IFNG: variants seen among roughly 807,000 people sequenced by gnomAD.
IFNG encodes the protein interferon gamma, also known as IFN-gamma.
A neutral mutation model predicts 14.4 loss-of-function variants in IFNG; 8 were observed. That is an observed-to-expected ratio of 0.56 (90% CI 0.33 to 1.00). IFNG has a LOEUF of 1.00. IFNG is among the 50% of genes least tolerant of loss of function. The pLI, the probability that IFNG is intolerant of heterozygous loss-of-function variation, is 0.03. For synonymous variants in IFNG, 73 were observed against 65.4 expected (o/e 1.12, Z -0.56); for missense variants, 132 against 194.9 (o/e 0.68, Z 1.92).
Position 68,157,940 on chromosome 12 carries a change from A to G in IFNG, c.339T>C (p.Asp113=), listed in dbSNP as rs758972191. 5.0e-5 allele frequency: 80 copies of G among 1,603,454 alleles called. No homozygotes were observed. The highest frequency in any genetic ancestry group is 6.4e-5 in the Non-Finnish European group (75 of 1,174,560). ...AATAATTAGTCAGCTTTTCGAAGTC[A>G]TCTCGTTTCTTTTTGTTGCTATTGA... ...KFFNSNKKKR[D]DFEKLTNYSV... Residue 113 remains aspartate, a synonymous_variant, in exon 3 of 4, where the codon GAT becomes GAC. Coordinates refer to ENST00000229135, the MANE Select transcript of IFNG (RefSeq NM_000619.3).
intron 3 of IFNG, among the ~76,000 whole-genome samples, chr12:68,156,121 G>T (rs963104345): frequency 1.3e-5 from 2 of 152,070 alleles, no homozygotes; most frequent in Non-Finnish European, 2.9e-5. Flanking sequence ...ATCTAGGTTA[G>T]GTACCCTAGA....
chr12:68,159,674 T>C lies in IFNG; in HGVS notation c.-59A>G. 1.2e-6 allele frequency: 1 copy of C among 866,666 alleles called. No homozygotes were observed. Among genetic ancestry groups the C allele is most frequent in the Non-Finnish European group, 1.9e-6 (1 of 522,628 alleles). 53.7% of individuals were successfully genotyped at this position (866,666 alleles called of 1,614,324 possible). ...ATCAGTAGTTCTTGTATCAAGCTGA[T>C]CAGGTCCAAAGGACTTAACTGATCT... On this transcript the variant is annotated 5_prime_UTR_variant, in exon 1 of 4. Transcript: ENST00000229135.
intron 1 of IFNG, 39 bp from the exon 2 acceptor site, chr12:68,158,298 C>T (rs1169348041): frequency 7.4e-7 from 1 of 1,353,864 alleles, no homozygotes; most frequent in Admixed American, 2.1e-5. Flanking sequence ...TACAATTAGC[C>T]CATAAATTGC....
chr12:68,157,873 C>A, intron 3 of IFNG, 40 bp downstream of exon 3: 1 of 1,444,574 alleles, frequency 6.9e-7, no homozygotes, highest in Non-Finnish European at 9.5e-7. Flanking sequence ...TTGCAAGACC[C>A]TCGGCAATGA....
In IFNG at chr12:68,155,461, T is replaced by C. The variant is rs747576618; in HGVS notation, c.393A>G (p.Lys131=). The C allele has an allele frequency of 1.2e-6, 2 of 1,608,198 alleles. No homozygotes were observed. The highest frequency in any genetic ancestry group is 2.2e-5 in the East Asian group (1 of 44,470). ...YSVTDLNVQR[K]AIHELIQVMA... ...TCACTTGGATGAGTTCATGTATTGCTTTGCGTTGGACATTCAAGTCAGTTA... is the reference window on the plus strand; with the variant it reads ...TCACTTGGATGAGTTCATGTATTGCCTTGCGTTGGACATTCAAGTCAGTTA... Residue 131 remains lysine, a synonymous_variant, in exon 4 of 4, where the codon AAA becomes AAG. Coordinates refer to ENST00000229135, the MANE Select transcript of IFNG (RefSeq NM_000619.3).
In IFNG at chr12:68,159,606, T is replaced by C; in HGVS notation, c.10A>G (p.Thr4Ala). 2 of 1,580,494 alleles carry C rather than the reference T, an allele frequency of 1.3e-6. 1 individual carries two copies. Among genetic ancestry groups the C allele is most frequent in the South Asian group, 2.2e-5 (2 of 89,236 alleles). MKY[T>A]SYILAFQLCI... ...AGCTGAAAAGCCAAGATATAACTTG[T>C]ATATTTCATCGTTTCCGAGAGAATT... is the stretch of plus-strand genomic sequence containing the variant. Residue 4 changes from threonine to alanine, a missense_variant, in exon 1 of 4, where the codon ACA (threonine) becomes GCA (alanine). Transcript: ENST00000229135.
rs748083318 is a variant in IFNG, at chr12:68,158,189, A to G, written c.183+2T>C. On this transcript the variant is annotated splice_donor_variant, in intron 2 of 3. Coordinates refer to ENST00000229135, the MANE Select transcript of IFNG (RefSeq NM_000619.3). LOFTEE classifies it high-confidence loss of function. ...TTAGCCAAATGGGAATATTCAGCTT[A>G]CCTCTTTCCAATTCTTCAAAATGCC... 1.1e-5 allele frequency: 17 copies of G among 1,609,020 alleles called. No individual in the cohort carries two copies. Among genetic ancestry groups the G allele is most frequent in the African/African-American group, 1.3e-5 (1 of 74,652 alleles).
intron 3 of IFNG, 59 bp downstream of exon 3, chr12:68,157,854 A>C (rs535453332): frequency 8.8e-6 from 11 of 1,255,310 alleles, no homozygotes; most frequent in Middle Eastern, 1.9e-4. Context: ...TTTCTGGAGA[A>C]TAAATGCTTT....
chr12:68,157,792 A>G, intron 3 of IFNG, 121 bp downstream of exon 3: 1 of 695,288 alleles, frequency 1.4e-6, no homozygotes, highest in Non-Finnish European at 2.4e-6. Context: ...GTAGAGTTTC[A>G]GCCATGAGTT....
At chr12:68,158,126 A>G in intron 2 of IFNG, 31 bp from the exon 3 acceptor site, 2 of 1,595,434 alleles carry the variant, frequency 1.3e-6, no homozygotes, top group Non-Finnish European at 1.7e-6. Flanking sequence ...ACAGAGGATG[A>G]TGTGAATTTA....
intron 3 of IFNG, 124 bp downstream of exon 3, chr12:68,157,789 T>C: frequency 5.8e-6 from 4 of 686,832 alleles, no homozygotes. Flanking sequence ...AAGGTAGAGT[T>C]TCAGCCATGA....
chr12:68,159,355 G>T lies in IFNG; in HGVS notation c.114+147C>A, dbSNP rs1260411099. On this transcript the variant is annotated intron_variant, in intron 1 of 3. Transcript: ENST00000229135. ...ACAATATCTAGATTATTTAGTCAAGGAACTCATCTAGTCAATAATTAACAA... is the reference window on the plus strand; with the variant it reads ...ACAATATCTAGATTATTTAGTCAAGTAACTCATCTAGTCAATAATTAACAA... 9.0e-6 allele frequency: 5 copies of T among 554,784 alleles called. No homozygotes were observed. The East Asian group carries it at 1.4e-4, about 16-fold the overall frequency. The allele number at this position is 554,784 out of a possible 1,614,324, so 34.4% of individuals were successfully genotyped here.
intron 3 of IFNG, among the ~76,000 whole-genome samples, chr12:68,157,312 G>A (rs1882615963): frequency 6.6e-6 from 1 of 152,134 alleles, no homozygotes; most frequent in South Asian, 2.1e-4. Context: ...GGGTGTCCCT[G>A]GTACCTATTC....
At chr12:68,159,432 A>G in intron 1 of IFNG, 70 bp downstream of exon 1, 2 of 722,344 alleles carry the variant, frequency 2.8e-6, no homozygotes, top group Non-Finnish European at 4.9e-6. Context: ...AGCCTATCAG[A>G]GATGCTACAG....
intron 3 of IFNG, among the ~76,000 whole-genome samples, chr12:68,156,736 A>G (rs1882607386): frequency 6.6e-6 from 1 of 152,098 alleles, no homozygotes; most frequent in African/African-American, 2.4e-5. Flanking sequence ...TCAAATCATC[A>G]CCAAGAAACT....
intron 1 of IFNG, 86 bp from the exon 2 acceptor site, chr12:68,158,345 G>C (rs2120747600): frequency 1.2e-6 from 1 of 864,858 alleles, no homozygotes; most frequent in South Asian, 1.7e-5. Flanking sequence ...GAACTCAGAT[G>C]TGACAATATT....
At chr12:68,155,606 C>A in intron 3 of IFNG, 119 bp from the exon 4 acceptor site, 1 of 766,396 alleles carries the variant, frequency 1.3e-6, no homozygotes, top group Non-Finnish European at 1.9e-6. Context: ...ACCGTATTAC[C>A]TTAATATACA....
chr12:68,154,964 C>T lies in IFNG; in HGVS notation c.*389G>A, dbSNP rs1286174909. The T allele has an allele frequency of 6.5e-6, 1 of 153,786 alleles. No individual in the cohort carries two copies. The highest frequency in any genetic ancestry group is 1.5e-5 in the Non-Finnish European group (1 of 68,784). The allele number at this position is 153,786 out of a possible 1,614,324, so 9.5% of individuals were successfully genotyped here. On this transcript the variant is annotated 3_prime_UTR_variant, in exon 4 of 4. Coordinates refer to ENST00000229135, the MANE Select transcript of IFNG (RefSeq NM_000619.3). ...GTCTGACATGCCATTAAAGCACTGG[C>T]TCAGATTGCAGGCATATTTTCAAAC...
At chr12:68,157,843 C>G (rs1414165409) in intron 3 of IFNG, 70 bp downstream of exon 3, 12 of 1,148,062 alleles carry the variant, frequency 1.0e-5, no homozygotes, top group Non-Finnish European at 1.5e-5. Context: ...CTAATGTCTA[C>G]TTTCTGGAGA....
Sources: allele counts gnomAD v4.1 joint callset (sites outside exome capture counted in the v4.1 genomes callset), GRCh38; gene constraint gnomAD v4.1.1; transcripts MANE v1.5; gene names NCBI Gene and HGNC (gene_info 2026-07-23, HGNC 2026-07-21).